Variants in CFAP91 observed in about 807,000 individuals in gnomAD.
The protein encoded by CFAP91 is cilia- and flagella-associated protein 91.
Under a neutral mutation model 95.9 loss-of-function variants are expected in CFAP91, and 85 were observed. The ratio of observed to expected loss-of-function variants is 0.89; its 90% CI spans 0.74 to 1.06. The LOEUF (loss-of-function observed/expected upper bound fraction) is 1.06. CFAP91 is among the 50% of genes least tolerant of loss of function. The pLI is 0.00. For synonymous variants in CFAP91, 335 were observed against 327.5 expected (o/e 1.02, Z -0.25); for missense variants, 962 against 943.4 (o/e 1.02, Z -0.26).
intron 16 of CFAP91, among the ~76,000 whole-genome samples, chr3:119,748,197 A>T (rs2054260734): frequency 6.6e-6 from 1 of 152,190 alleles, no homozygotes; most frequent in African/African-American, 2.4e-5. Flanking sequence ...TTATTTTTTT[A>T]AAAAGCATAA....
intron 12 of CFAP91, among the ~76,000 whole-genome samples, chr3:119,739,914 C>G (rs867757429): frequency 6.6e-6 from 1 of 152,114 alleles, no homozygotes; most frequent in African/African-American, 2.4e-5. Flanking sequence ...AAATTCAGCT[C>G]TGGTCTTCCC....
intron 16 of CFAP91, among the ~76,000 whole-genome samples, chr3:119,748,761 T>A (rs901592967): frequency 2.0e-5 from 3 of 152,220 alleles, no homozygotes; most frequent in Non-Finnish European, 4.4e-5. Flanking sequence ...CCCCTAAGGA[T>A]AAGCATTTAG....
At chr3:119,715,953 A>G (rs952791086) in intron 6 of CFAP91, 11 of 599,214 alleles carry the variant, frequency 1.8e-5, no homozygotes, top group African/African-American at 3.7e-5. Context: ...ATCGTACTCT[A>G]TCTGTGAAGC....
chr3:119,759,698 A>G (rs896513742), intron 17 of CFAP91, among the ~76,000 whole-genome samples: 4 of 152,020 alleles, frequency 2.6e-5, no homozygotes, highest in Non-Finnish European at 5.9e-5. Context: ...AGGGATACAC[A>G]GCATAAAAAG....
Position 119,730,348 on chromosome 3 carries a change from T to C in CFAP91, c.989T>C (p.Met330Thr), listed in dbSNP as rs1415060460. 2 of 1,613,958 alleles carry C rather than the reference T, an allele frequency of 1.2e-6. No individual in the cohort carries two copies. The highest frequency in any genetic ancestry group is 2.2e-5 in the South Asian group (2 of 91,080). ...CTGCAGGAGGGAAAAGAGGCAAAAA[T>C]GGCAAAAATTCAGCGCACGCATGTA... ...SKLQEGKEAK[M>T]AKIQRTHVST... Residue 330 changes from methionine to threonine, a missense_variant, in exon 8 of 18, where the codon ATG becomes ACG. By Grantham distance (81) the Met-to-Thr change is moderately conservative. Transcript: ENST00000273390.
At chr3:119,730,877 TTTA>T (rs903960210) in intron 8 of CFAP91, among the ~76,000 whole-genome samples, 1 of 152,150 alleles carries the variant, frequency 6.6e-6, no homozygotes, top group African/African-American at 2.4e-5. Flanking sequence ...AAGTATATGG[TTTA>T]TTATTTTTAT....
chr3:119,703,510 A>G (rs2053299461), intron 1 of CFAP91, among the ~76,000 whole-genome samples: 1 of 152,236 alleles, frequency 6.6e-6, no homozygotes, highest in African/African-American at 2.4e-5. Context: ...GAAAGTGTGC[A>G]ACGATTTGTA....
intron 1 of CFAP91, among the ~76,000 whole-genome samples, chr3:119,703,992 G>A (rs541706399): frequency 6.6e-6 from 1 of 152,308 alleles, no homozygotes; most frequent in South Asian, 2.1e-4. Flanking sequence ...CCTGAACCTT[G>A]CATTGCTTTC....
chr3:119,732,806 A>G (rs2053928536), intron 9 of CFAP91, among the ~76,000 whole-genome samples: 1 of 152,234 alleles, frequency 6.6e-6, no homozygotes. Context: ...AATGAAATCA[A>G]CCTTTTATAA....
At chr3:119,720,101 C>G (rs2053653069) in intron 6 of CFAP91, among the ~76,000 whole-genome samples, 1 of 140,772 alleles carries the variant, frequency 7.1e-6, no homozygotes, top group Non-Finnish European at 1.5e-5. Flanking sequence ...AAAAAAAAAA[C>G]TTAGGGGCCG....
Position 119,715,577 on chromosome 3 carries a change from T to C in CFAP91, c.516T>C (p.Thr172=). 6.2e-7 allele frequency: 1 copy of C among 1,614,022 alleles called. No homozygotes were observed. Among genetic ancestry groups the C allele is most frequent in the Non-Finnish European group, 8.5e-7 (1 of 1,179,904 alleles). ...TCTCTTTTAGGGCAGAACCATACAC[T>C]TTTCCTCCTACTTCTACTAAGCACC... ...VYAVSKAEPY[T]FPPTSTKHLS... The change falls in exon 6 of 18, where the codon ACT becomes ACC. Residue 172 remains threonine, a synonymous_variant. Coordinates refer to ENST00000273390, the MANE Select transcript of CFAP91 (RefSeq NM_033364.4).
intron 16 of CFAP91, chr3:119,749,215 A>G (rs1464378284): frequency 1.3e-5 from 2 of 152,096 alleles, no homozygotes. Flanking sequence ...GAGGAGGAAA[A>G]CTGGGTTTAA....
At chr3:119,716,669 C>T (rs2053580338) in intron 6 of CFAP91, among the ~76,000 whole-genome samples, 1 of 152,202 alleles carries the variant, frequency 6.6e-6, no homozygotes, top group South Asian at 2.1e-4. Context: ...TCACTGCAAC[C>T]TCCGCCTCCT....
rs1248204050 is a variant in CFAP91 at position 119,766,821 on chromosome 3, GGACAT to G, written c.*1773_*1777del. The G allele has an allele frequency of 6.6e-6, 1 of 152,086 alleles. No individual in the cohort carries two copies. Among genetic ancestry groups the G allele is most frequent in the Admixed American group, 6.5e-5 (1 of 15,272 alleles). 9.4% of individuals were successfully genotyped at this position (152,086 alleles called of 1,614,324 possible). On this transcript the variant is annotated 3_prime_UTR_variant, in exon 18 of 18. Transcript: ENST00000273390. The stretch of plus-strand genomic sequence containing the variant: ...AGGATTTAAAGTAGCTTCTAATAAA[GGACAT>G]GTGTAATGAAACTTAAAATATGATA...
intron 6 of CFAP91, among the ~76,000 whole-genome samples, chr3:119,725,295 G>A (rs2053761557): frequency 6.6e-6 from 1 of 152,210 alleles, no homozygotes; most frequent in African/African-American, 2.4e-5. Flanking sequence ...CTGGTCAGGA[G>A]ACATATCCAG....
At chr3:119,712,604 G>T (rs1401420966) in intron 5 of CFAP91, among the ~76,000 whole-genome samples, 1 of 152,024 alleles carries the variant, frequency 6.6e-6, no homozygotes, top group Non-Finnish European at 1.5e-5. Context: ...TTATCTACAT[G>T]TTAGAAATTT....
intron 6 of CFAP91, 108 bp from the exon 7 acceptor site, chr3:119,726,063 G>A (rs1181374528): frequency 1.7e-5 from 15 of 891,866 alleles, no homozygotes; most frequent in African/African-American, 5.1e-5. Flanking sequence ...TGCTGTCATG[G>A]CCCTTGAATT....
chr3:119,704,312 A>G (rs1311045233), intron 1 of CFAP91, among the ~76,000 whole-genome samples: 1 of 152,228 alleles, frequency 6.6e-6, no homozygotes, highest in Non-Finnish European at 1.5e-5. Context: ...CTTGCTAAGA[A>G]CAGAAATTCA....
chr3:119,745,796 A>G (rs766605896), intron 14 of CFAP91, among the ~76,000 whole-genome samples: 1 of 152,194 alleles, frequency 6.6e-6, no homozygotes, highest in Non-Finnish European at 1.5e-5. Flanking sequence ...TTGATACTGT[A>G]TTAAACTGGC....
Sources: gnomAD v4.1 joint callset for allele counts (sites outside exome capture counted in the v4.1 genomes callset) on GRCh38, gnomAD v4.1.1 for gene constraint, MANE v1.5 for transcripts, NCBI Gene and HGNC (gene_info 2026-07-23, HGNC 2026-07-21) for gene names.